The following CWF19L2 variants were observed in gnomAD, a reference collection of about 807,000 sequenced individuals.
CWF19L2 encodes the protein CWF19-like protein 2.
In CWF19L2, 98 loss-of-function variants were observed where a neutral mutation model predicts 111.7. That is an observed-to-expected ratio of 0.88 (90% CI 0.75 to 1.04). The LOEUF is 1.04. Ranked by LOEUF, CWF19L2 falls within the 50% of genes least tolerant of loss-of-function variation. The pLI is 0.00. For synonymous variants in CWF19L2, 351 were observed against 342.9 expected (o/e 1.02, Z -0.26); for missense variants, 1,101 against 1,051.4 (o/e 1.05, Z -0.65).
intron 12 of CWF19L2, among the ~76,000 whole-genome samples, chr11:107,389,764 G>A (rs1860820975): frequency 1.3e-5 from 2 of 152,052 alleles, no homozygotes; most frequent in South Asian, 2.1e-4. Context: ...AACTATCAGC[G>A]CACTGTCAAT....
intron 12 of CWF19L2, among the ~76,000 whole-genome samples, chr11:107,360,777 C>A (rs1370074153): frequency 3.3e-5 from 5 of 152,200 alleles, no homozygotes; most frequent in African/African-American, 1.2e-4. Context: ...TGACCATTTG[C>A]ATATCCTCTT....
intron 16 of CWF19L2, among the ~76,000 whole-genome samples, chr11:107,333,146 C>G (rs576734532): frequency 6.6e-6 from 1 of 151,720 alleles, no homozygotes; most frequent in South Asian, 2.1e-4. Context: ...CCTTCATTGA[C>G]TGTAACCCTC....
At chr11:107,435,348 C>T (rs955821929) in intron 6 of CWF19L2, among the ~76,000 whole-genome samples, 5 of 152,054 alleles carry the variant, frequency 3.3e-5, no homozygotes, top group African/African-American at 7.2e-5. Flanking sequence ...ATCTACACAG[C>T]GGTAAGTAAA....
intron 12 of CWF19L2, among the ~76,000 whole-genome samples, chr11:107,378,770 TAATA>T (rs1318909756): frequency 2.0e-5 from 3 of 151,702 alleles, no homozygotes; most frequent in South Asian, 2.1e-4. Context: ...AGTATAATAA[TAATA>T]AATAAATAAA....
At chr11:107,342,740 T>C (rs1244694217) in intron 14 of CWF19L2, among the ~76,000 whole-genome samples, 1 of 152,182 alleles carries the variant, frequency 6.6e-6, no homozygotes, top group East Asian at 1.9e-4. Flanking sequence ...ATATATGGCA[T>C]AAGAGACTTT....
chr11:107,386,986 G>A (rs576395033), intron 12 of CWF19L2, among the ~76,000 whole-genome samples: 13 of 151,928 alleles, frequency 8.6e-5, no homozygotes, highest in Admixed American at 3.3e-4. Flanking sequence ...CCCAGAAGGC[G>A]GAGGTTGCAA....
chr11:107,442,770 GGAAGGAAGGAAGGAAGGA>G (rs1861639959), intron 4 of CWF19L2, among the ~76,000 whole-genome samples, 151 bp downstream of exon 4: 1 of 46,836 alleles, frequency 2.1e-5, no homozygotes, highest in Non-Finnish European at 4.2e-5. Flanking sequence ...AAGGAAGGAA[GGAAGGAAGGAAGGAAGGA>G]AGGAAGGGAG....
rs531161339 is a variant in CWF19L2, at chr11:107,332,624, A to G, written c.2439+2257T>C. Among the ~76,000 whole-genome samples, 68 of 152,156 alleles carry G rather than the reference A, an allele frequency of 4.5e-4. 1 individual carries two copies. Among genetic ancestry groups the G allele is most frequent in the African/African-American group, 1.6e-3 (67 of 41,530 alleles). Reference sequence around the variant, plus strand: ...AATTATTAAGGACATAAAGTTTTTAAAAGAAGTATAATAAGGTTCTTTCAG... The same window carrying G: ...AATTATTAAGGACATAAAGTTTTTAGAAGAAGTATAATAAGGTTCTTTCAG... On this transcript the variant is annotated intron_variant, in intron 16 of 17. Coordinates refer to ENST00000282251, the MANE Select transcript of CWF19L2 (RefSeq NM_152434.3).
chr11:107,399,260 C>T (rs1047061420), intron 10 of CWF19L2, among the ~76,000 whole-genome samples: 2 of 152,312 alleles, frequency 1.3e-5, no homozygotes, highest in South Asian at 4.1e-4. Flanking sequence ...AAATGCTCCA[C>T]TTAAAAGATA....
chr11:107,453,536 A>T (rs1469731500), intron 3 of CWF19L2, among the ~76,000 whole-genome samples: 2 of 151,772 alleles, frequency 1.3e-5, no homozygotes, highest in African/African-American at 4.8e-5. Context: ...CAGCACCAAT[A>T]ATCGGGTACT....
intron 4 of CWF19L2, 71 bp downstream of exon 4, chr11:107,442,864 GGGAA>G: frequency 1.3e-6 from 1 of 781,832 alleles, no homozygotes; most frequent in Non-Finnish European, 2.1e-6. Flanking sequence ...GGGATAGAGA[GGGAA>G]GGAGGGAGGG....
At chr11:107,439,662 G>GAA (rs1198147589) in intron 5 of CWF19L2, among the ~76,000 whole-genome samples, 1 of 152,160 alleles carries the variant, frequency 6.6e-6, no homozygotes, top group Non-Finnish European at 1.5e-5. Flanking sequence ...GTTCCAGGTA[G>GAA]AAAGAATAAC....
intron 5 of CWF19L2, among the ~76,000 whole-genome samples, chr11:107,439,712 A>C (rs752150707): frequency 6.6e-6 from 1 of 152,234 alleles, no homozygotes; most frequent in Non-Finnish European, 1.5e-5. Context: ...AAAGTGCAGC[A>C]GTTTCAGGAA....
intron 13 of CWF19L2, among the ~76,000 whole-genome samples, chr11:107,349,653 C>A (rs1860130520): frequency 6.6e-6 from 1 of 151,216 alleles, no homozygotes. Context: ...GGTATATATA[C>A]AGAGAACAAA....
intron 3 of CWF19L2, among the ~76,000 whole-genome samples, chr11:107,449,106 C>T (rs1861742540): frequency 7.0e-6 from 1 of 141,924 alleles, no homozygotes; most frequent in Admixed American, 7.1e-5. Flanking sequence ...ACAATGCAAA[C>T]CAGAAGACAA....
At chr11:107,378,186 A>C (rs1860623448) in intron 12 of CWF19L2, among the ~76,000 whole-genome samples, 1 of 150,144 alleles carries the variant, frequency 6.7e-6, no homozygotes, top group Non-Finnish European at 1.5e-5. Context: ...CAACTAGTTC[A>C]ACCATTGTGG....
chr11:107,424,121 C>A (rs1861341258), intron 8 of CWF19L2, among the ~76,000 whole-genome samples: 1 of 151,390 alleles, frequency 6.6e-6, no homozygotes, highest in African/African-American at 2.4e-5. Flanking sequence ...GGCATTAAGT[C>A]ATTAAGAAAT....
At chr11:107,376,315 A>C (rs1446175925) in intron 12 of CWF19L2, among the ~76,000 whole-genome samples, 1 of 88,412 alleles carries the variant, frequency 1.1e-5, no homozygotes, top group African/African-American at 6.7e-5. Context: ...CAACCAAAAA[A>C]GAGAATTTTA....
At chr11:107,436,151 C>A (rs11212234) in intron 6 of CWF19L2, among the ~76,000 whole-genome samples, 4,062 of 145,818 alleles carry the variant, frequency 0.028, 106 homozygotes, top group East Asian at 0.1. Flanking sequence ...AGACTCCACA[C>A]GCCCCCCGAC....
Sources: gnomAD v4.1 joint callset for allele counts (sites outside exome capture counted in the v4.1 genomes callset) on GRCh38, gnomAD v4.1.1 for gene constraint, MANE v1.5 for transcripts, NCBI Gene and HGNC (gene_info 2026-07-23, HGNC 2026-07-21) for gene names.